Variants in CA10 observed in about 807,000 individuals in gnomAD.
CA10 encodes the protein carbonic anhydrase-related protein 10.
Under a neutral mutation model 44.2 loss-of-function variants are expected in CA10, and 14 were observed. The ratio of observed to expected loss-of-function variants is 0.32; its 90% CI spans 0.21 to 0.50. The LOEUF (loss-of-function observed/expected upper bound fraction) is 0.50, where lower values mean the gene tolerates loss of function less well. Among genes scored for constraint, CA10 ranks in the 20% least tolerant of loss-of-function variants. CA10 has a pLI of 0.99. For synonymous variants in CA10, 159 were observed against 141.6 expected (o/e 1.12, Z -0.87); for missense variants, 350 against 409.7 (o/e 0.85, Z 1.26).
chr17:51,893,347 T>C (rs1010674324), intron 3 of CA10, among the ~76,000 whole-genome samples: 3 of 152,106 alleles, frequency 2.0e-5, no homozygotes, highest in South Asian at 2.1e-4. Flanking sequence ...ATAGCAACCA[T>C]GGCAGGGGAT....
chr17:52,080,469 T>G (rs1168640860), intron 1 of CA10, among the ~76,000 whole-genome samples: 2 of 142,996 alleles, frequency 1.4e-5, no homozygotes, highest in African/African-American at 5.3e-5. Context: ...AATAAATAAA[T>G]AAATAAATAA....
chr17:51,851,549 T>A (rs1007401503), intron 3 of CA10, among the ~76,000 whole-genome samples: 2 of 152,206 alleles, frequency 1.3e-5, no homozygotes, highest in African/African-American at 4.8e-5. Context: ...TGAGAAATAT[T>A]TTATTGTTAT....
At chr17:51,984,694 A>C (rs1984769104) in intron 2 of CA10, among the ~76,000 whole-genome samples, 1 of 151,924 alleles carries the variant, frequency 6.6e-6, no homozygotes, top group South Asian at 2.1e-4. Context: ...AACTGACACC[A>C]CTGAAATACA....
chr17:52,060,395 C>A (rs115457537), intron 2 of CA10, among the ~76,000 whole-genome samples: 6 of 151,904 alleles, frequency 3.9e-5, no homozygotes, highest in Non-Finnish European at 5.9e-5. Context: ...TGGAAAAACT[C>A]GGATATTAAA....
intron 3 of CA10, among the ~76,000 whole-genome samples, chr17:51,915,046 C>A (rs188860456): frequency 2.6e-5 from 4 of 152,182 alleles, no homozygotes; most frequent in African/African-American, 7.2e-5. Context: ...TTTATTATTT[C>A]ATTCAATAAA....
At chr17:52,008,358 A>T (rs1380248341) in intron 2 of CA10, among the ~76,000 whole-genome samples, 2 of 151,880 alleles carry the variant, frequency 1.3e-5, no homozygotes, top group Non-Finnish European at 2.9e-5. Flanking sequence ...CCTAGATAAA[A>T]ACATAAGAAC....
intron 2 of CA10, among the ~76,000 whole-genome samples, chr17:52,031,005 C>T: frequency 1.3e-5 from 2 of 152,178 alleles, no homozygotes; most frequent in East Asian, 1.9e-4. Context: ...ATTACATGAG[C>T]CAATGCTTTT....
intron 2 of CA10, chr17:52,070,427 T>C (rs1185027186): frequency 6.6e-6 from 1 of 152,204 alleles, no homozygotes; most frequent in Non-Finnish European, 1.5e-5. Context: ...TGCAATTTAA[T>C]CCTCAGCAAA....
At chr17:52,024,088 G>A (rs2144159263) in intron 2 of CA10, among the ~76,000 whole-genome samples, 1 of 152,008 alleles carries the variant, frequency 6.6e-6, no homozygotes, top group South Asian at 2.1e-4. Context: ...TTCTATCTGG[G>A]CTCTTGGCTG....
chr17:51,664,259 T>C (rs1914126641), intron 4 of CA10, among the ~76,000 whole-genome samples: 2 of 152,148 alleles, frequency 1.3e-5, no homozygotes, highest in Non-Finnish European at 2.9e-5. Context: ...CAGCAGATAT[T>C]TGAGGGGAAA....
chr17:51,943,691 G>A (rs571301603), intron 2 of CA10, among the ~76,000 whole-genome samples: 17 of 152,258 alleles, frequency 1.1e-4, no homozygotes, highest in South Asian at 6.2e-4. Context: ...AGTCTATGGC[G>A]GGATCCAGAG....
chr17:51,642,578 G>A (rs994126792), intron 6 of CA10, among the ~76,000 whole-genome samples: 1 of 152,206 alleles, frequency 6.6e-6, no homozygotes, highest in African/African-American at 2.4e-5. Context: ...TCCTCCAGAT[G>A]CCTTCAGTGG....
intron 1 of CA10, among the ~76,000 whole-genome samples, chr17:52,078,385 C>CA (rs1047390726): frequency 2.6e-5 from 4 of 152,176 alleles, no homozygotes; most frequent in Non-Finnish European, 5.9e-5. Flanking sequence ...ACATACATTG[C>CA]AAAAATAAGC....
At chr17:51,717,550 TATATATATATA>T (rs1916154336) in intron 4 of CA10, among the ~76,000 whole-genome samples, 1 of 136,126 alleles carries the variant, frequency 7.3e-6, no homozygotes, top group Non-Finnish European at 1.6e-5. Context: ...TATATATATA[TATATATATATA>T]ATATTACATA....
intron 3 of CA10, among the ~76,000 whole-genome samples, chr17:51,885,144 AT>A (rs918552119): frequency 4.9e-4 from 74 of 152,240 alleles, no homozygotes; most frequent in African/African-American, 1.7e-3. Context: ...TTTTTACTTC[AT>A]TTTTTGTCTT....
intron 3 of CA10, among the ~76,000 whole-genome samples, chr17:51,784,626 T>C (rs1376073403): frequency 6.6e-6 from 1 of 152,186 alleles, no homozygotes; most frequent in Non-Finnish European, 1.5e-5. Context: ...TCTTTTAATA[T>C]AATTTTTTAT....
At chr17:51,845,841 T>C (rs973397920) in intron 3 of CA10, among the ~76,000 whole-genome samples, 11 of 152,210 alleles carry the variant, frequency 7.2e-5, no homozygotes, top group Non-Finnish European at 1.0e-4. Flanking sequence ...GAATGAGTTT[T>C]ATTAGTTTTA....
intron 3 of CA10, among the ~76,000 whole-genome samples, chr17:51,819,861 G>A (rs1227335829): frequency 6.6e-6 from 1 of 152,084 alleles, no homozygotes; most frequent in Non-Finnish European, 1.5e-5. Context: ...GGAAATGTAT[G>A]CTCTCTGTCT....
intron 3 of CA10, among the ~76,000 whole-genome samples, chr17:51,813,812 C>T (rs1907465968): frequency 6.6e-6 from 1 of 152,192 alleles, no homozygotes; most frequent in South Asian, 2.1e-4. Context: ...AAAAAAAATT[C>T]CTACTTTGTA....
Sources: gnomAD v4.1 joint callset for allele counts (sites outside exome capture counted in the v4.1 genomes callset) on GRCh38, gnomAD v4.1.1 for gene constraint, MANE v1.5 for transcripts, NCBI Gene and HGNC (gene_info 2026-07-23, HGNC 2026-07-21) for gene names.